The following TMEM132D variants were observed in gnomAD, a reference collection of about 807,000 sequenced individuals.
TMEM132D encodes the protein transmembrane protein 132D.
TMEM132D carries 21 observed loss-of-function variants against 62.3 expected under a neutral mutation model. The ratio of observed to expected loss-of-function variants is 0.34; its 90% confidence interval spans 0.24 to 0.49. TMEM132D has a LOEUF of 0.49. Ranked by LOEUF, TMEM132D falls within the 20% of genes least tolerant of loss-of-function variation. The probability of loss-of-function intolerance (pLI) is 0.99; values close to 1 mark genes in which losing one functional copy is unlikely to be tolerated. For synonymous variants in TMEM132D, 621 were observed against 575.6 expected, an observed-to-expected ratio of 1.08 and a Z score of -1.13; for missense variants, 1,346 against 1,402.8, an observed-to-expected ratio of 0.96 and a Z score of 0.65.
At chr12:129,396,786 C>T (rs533146577) in intron 3 of TMEM132D, among the ~76,000 whole-genome samples, 1 of 152,224 alleles carries the variant, frequency 6.6e-6, no homozygotes, top group South Asian at 2.1e-4. Flanking sequence ...GACTTTATAC[C>T]CCCAATTTTT....
chr12:129,882,593 G>A (rs1874631512), intron 1 of TMEM132D, among the ~76,000 whole-genome samples: 1 of 152,020 alleles, frequency 6.6e-6, no homozygotes, highest in Non-Finnish European at 1.5e-5. Flanking sequence ...GCTAGAAGAA[G>A]GACATTAAAT....
intron 3 of TMEM132D, among the ~76,000 whole-genome samples, chr12:129,480,825 G>A (rs571269487): frequency 1.1e-3 from 160 of 152,308 alleles, no homozygotes; most frequent in Non-Finnish European, 2.0e-3. Flanking sequence ...CTATGGCCCC[G>A]CAATCCACTT....
At chr12:129,359,914 T>C (rs1295414956) in intron 3 of TMEM132D, among the ~76,000 whole-genome samples, 2 of 150,874 alleles carry the variant, frequency 1.3e-5, no homozygotes, top group Non-Finnish European at 3.0e-5. Context: ...TTTGTATAGA[T>C]AATAATAAGC....
At chr12:129,289,807 T>G (rs1345592171) in intron 4 of TMEM132D, among the ~76,000 whole-genome samples, 3 of 152,066 alleles carry the variant, frequency 2.0e-5, no homozygotes, top group Non-Finnish European at 2.9e-5. Flanking sequence ...AGCCCAGAAG[T>G]TTAAGTCCAG....
At chr12:129,472,875 CTT>C (rs1182786304) in intron 3 of TMEM132D, among the ~76,000 whole-genome samples, 2 of 150,408 alleles carry the variant, frequency 1.3e-5, no homozygotes. Context: ...TATTTTAAGA[CTT>C]TTTTTTTTTT....
chr12:129,431,123 G>T (rs1331394314), intron 3 of TMEM132D, among the ~76,000 whole-genome samples: 1 of 152,246 alleles, frequency 6.6e-6, no homozygotes, highest in African/African-American at 2.4e-5. Flanking sequence ...TATAACAGCA[G>T]CTGAGATGGT....
At chr12:129,307,949 C>T (rs1440377318) in intron 4 of TMEM132D, among the ~76,000 whole-genome samples, 1 of 152,218 alleles carries the variant, frequency 6.6e-6, no homozygotes, top group African/African-American at 2.4e-5. Flanking sequence ...ACACCATCTC[C>T]AAACTTATCT....
At chr12:129,477,258 A>G (rs1874291422) in intron 3 of TMEM132D, among the ~76,000 whole-genome samples, 1 of 152,096 alleles carries the variant, frequency 6.6e-6, no homozygotes, top group Non-Finnish European at 1.5e-5. Context: ...GAGACGTTTG[A>G]TTTCTTTTGA....
rs1470630848 is a variant in TMEM132D, at chr12:129,629,582, C to T, written c.968+70228G>A. Among the ~76,000 whole-genome samples, 4 of 152,150 alleles carry T rather than the reference C, an allele frequency of 2.6e-5. No individual in the cohort carries two copies. The South Asian group carries it at 6.2e-4, about 24-fold the overall frequency. On this transcript the variant is annotated intron_variant, in intron 2 of 8. Transcript: ENST00000422113. ...CTTCCACATTCTTCCATAGAGTTAC[C>T]GATCTTCAAGTGTTTCATTTCTTAT...
Position 129,710,898 on chromosome 12 carries a change from GC to G in TMEM132D, c.80-10201del, listed in dbSNP as rs140177936. On this transcript the variant is annotated intron_variant, in intron 1 of 8. Coordinates refer to ENST00000422113, the MANE Select transcript of TMEM132D (RefSeq NM_133448.3). ...CACGCGCATTCCCCGGCTGTGTTCA[GC>G]CTCAGTGCGCACGCTGCCTCTCCCC... Among the ~76,000 whole-genome samples, 1,235 of 150,708 alleles carry G rather than the reference GC, an allele frequency of 8.2e-3. 14 individuals carry two copies. Among genetic ancestry groups the G allele is most frequent in the African/African-American group, 0.027 (1,095 of 40,718 alleles).
chr12:129,767,427 C>T (rs901570731), intron 1 of TMEM132D, among the ~76,000 whole-genome samples: 1 of 152,132 alleles, frequency 6.6e-6, no homozygotes, highest in Admixed American at 6.5e-5. Flanking sequence ...GTAACCATCA[C>T]CATCACCCAC....
At chr12:129,649,740 A>ATT (rs1389961705) in intron 2 of TMEM132D, among the ~76,000 whole-genome samples, 1 of 119,248 alleles carries the variant, frequency 8.4e-6, no homozygotes, top group East Asian at 2.4e-4. Context: ...TCTATATAAT[A>ATT]CATAAAGATA....
At chr12:129,435,919 G>A (rs145169509) in intron 3 of TMEM132D, among the ~76,000 whole-genome samples, 45 of 152,144 alleles carry the variant, frequency 3.0e-4, no homozygotes, top group African/African-American at 7.9e-4. Flanking sequence ...ATTTTCCAGC[G>A]TCCCTTGTAG....
intron 3 of TMEM132D, among the ~76,000 whole-genome samples, chr12:129,421,266 T>C (rs898185413): frequency 6.6e-6 from 1 of 151,768 alleles, no homozygotes; most frequent in African/African-American, 2.4e-5. Context: ...CCTGGCCTAG[T>C]GGATCTATTT....
chr12:129,511,493 T>A (rs1875495274), intron 3 of TMEM132D, among the ~76,000 whole-genome samples: 2 of 152,246 alleles, frequency 1.3e-5, no homozygotes, highest in Admixed American at 6.5e-5. Flanking sequence ...TAAGGCTTTG[T>A]CAGTCTTTTA....
chr12:129,737,659 G>C (rs962012357), intron 1 of TMEM132D, among the ~76,000 whole-genome samples: 1 of 152,182 alleles, frequency 6.6e-6, no homozygotes, highest in Non-Finnish European at 1.5e-5. Flanking sequence ...CTCATGTACA[G>C]ACCATCTCTG....
chr12:129,406,820 C>A (rs952526964), intron 3 of TMEM132D, among the ~76,000 whole-genome samples: 1 of 152,164 alleles, frequency 6.6e-6, no homozygotes, highest in Non-Finnish European at 1.5e-5. Context: ...TGCAAGTGCA[C>A]GGCTATCCTA....
chr12:129,656,440 G>A (rs961109712), intron 2 of TMEM132D, among the ~76,000 whole-genome samples: 1 of 152,150 alleles, frequency 6.6e-6, no homozygotes, highest in Non-Finnish European at 1.5e-5. Context: ...GGGTTTGAAA[G>A]CTCCATATCT....
At chr12:129,149,290 A>G (rs1877004615) in intron 5 of TMEM132D, among the ~76,000 whole-genome samples, 1 of 151,830 alleles carries the variant, frequency 6.6e-6, no homozygotes, top group Admixed American at 6.6e-5. Context: ...GGGGCTTAAA[A>G]CCTAGATGAC....
Sources: allele counts gnomAD v4.1 joint callset (sites outside exome capture counted in the v4.1 genomes callset), GRCh38; gene constraint gnomAD v4.1.1; transcripts MANE v1.5; gene names NCBI Gene and HGNC (gene_info 2026-07-23, HGNC 2026-07-21).